TC2N: variants seen among roughly 807,000 people sequenced by gnomAD.
TC2N encodes tandem C2 domains, nuclear, also known as tandem C2 domains nuclear protein.
Under a neutral mutation model 61.9 loss-of-function variants are expected in TC2N, and 51 were observed. That is an observed-to-expected ratio of 0.82 (90% CI 0.66 to 1.04). The LOEUF is 1.04. Among genes scored for constraint, TC2N ranks in the 50% least tolerant of loss-of-function variants. The pLI, the probability that TC2N is intolerant of heterozygous loss-of-function variation, is 0.00. For synonymous variants in TC2N, 204 were observed against 192.6 expected, an observed-to-expected ratio of 1.06 and a Z score of -0.49; for missense variants, 556 against 566.7, an observed-to-expected ratio of 0.98 and a Z score of 0.19.
At chr14:91,794,047 A>G (rs113914508) in intron 8 of TC2N, among the ~76,000 whole-genome samples, 154 of 152,330 alleles carry the variant, frequency 1.0e-3, no homozygotes, top group African/African-American at 3.6e-3. Flanking sequence ...GCTGATGTGG[A>G]GAGAGTTTTA....
chr14:91,827,232 T>C (rs1887541988), intron 1 of TC2N, among the ~76,000 whole-genome samples: 1 of 152,236 alleles, frequency 6.6e-6, no homozygotes, highest in Non-Finnish European at 1.5e-5. Flanking sequence ...ATTACTTTCC[T>C]ATTGCTGTTG....
chr14:91,792,947 G>A (rs1168440683), intron 8 of TC2N, among the ~76,000 whole-genome samples: 1 of 152,124 alleles, frequency 6.6e-6, no homozygotes. Flanking sequence ...GCACTCTCTT[G>A]TTCATAGTAT....
intron 1 of TC2N, among the ~76,000 whole-genome samples, chr14:91,838,594 G>T (rs57799350): frequency 6.6e-5 from 10 of 152,216 alleles, no homozygotes; most frequent in Non-Finnish European, 1.5e-4. Context: ...GAAATGTGCT[G>T]AATGAATGAA....
At position 91,802,339 on chromosome 14, in the gene TC2N, G is replaced by A; in HGVS notation, c.384C>T (p.Asn128=). The A allele has an allele frequency of 6.2e-7, 1 of 1,612,178 alleles. No homozygotes were observed. The highest frequency in any genetic ancestry group is 8.5e-7 in the Non-Finnish European group (1 of 1,179,400). The change falls in exon 4 of 12, where the codon AAC becomes AAT. Residue 128 remains asparagine (N), a synonymous_variant. Coordinates refer to ENST00000435962, the MANE Select transcript of TC2N (RefSeq NM_001128596.3). The stretch of plus-strand genomic sequence containing the variant: ...AAATGTGCTGATACATATAGAATGG[G>A]TTATACACATCATAGCTAGGTCCGT... The part of the protein sequence containing the change: ...SQHGPSYDVY[N]PFYMYQHISP...
intron 9 of TC2N, 104 bp from the exon 10 acceptor site, chr14:91,787,731 C>T: frequency 3.2e-6 from 2 of 633,760 alleles, no homozygotes; most frequent in Middle Eastern, 2.5e-4. Context: ...GAAAGTATTC[C>T]TTTCAAATGA....
intron 1 of TC2N, among the ~76,000 whole-genome samples, chr14:91,858,372 C>G (rs748538827): frequency 5.9e-5 from 9 of 152,044 alleles, no homozygotes; most frequent in Admixed American, 1.3e-4. Flanking sequence ...AAAGAAGGAT[C>G]TGAGGCTCAG....
At position 91,785,746 on chromosome 14, in the gene TC2N, C is replaced by T. The variant is rs537742592; in HGVS notation, c.1163-385G>A. ...AATTATATAGGTAAAATATAAAAGA[C>T]TCCAGGAGTTAAGTATATGCCCACT... On this transcript the variant is annotated intron_variant, in intron 10 of 11. Transcript: ENST00000435962. Among the ~76,000 whole-genome samples the T allele has an allele frequency of 2.6e-5, 4 of 152,058 alleles. 1 individual carries two copies. In the East Asian group the frequency reaches 7.7e-4, roughly 29 times the overall value.
chr14:91,823,610 G>A (rs915246421), intron 1 of TC2N, among the ~76,000 whole-genome samples: 3 of 151,612 alleles, frequency 2.0e-5, no homozygotes, highest in African/African-American at 7.3e-5. Context: ...ACTAGATAAT[G>A]TTAGGTTTAG....
At chr14:91,786,119 G>A (rs924203842) in intron 10 of TC2N, among the ~76,000 whole-genome samples, 4 of 152,148 alleles carry the variant, frequency 2.6e-5, no homozygotes, top group Non-Finnish European at 4.4e-5. Context: ...GAGCCACAGT[G>A]AGGGCTGAGA....
intron 1 of TC2N, among the ~76,000 whole-genome samples, chr14:91,859,365 C>T (rs1016178491): frequency 1.3e-5 from 2 of 152,188 alleles, no homozygotes; most frequent in Admixed American, 6.5e-5. Flanking sequence ...AACTCCTCCT[C>T]CTGAGGTCTT....
intron 1 of TC2N, among the ~76,000 whole-genome samples, chr14:91,842,524 G>T (rs1888182445): frequency 6.6e-6 from 1 of 152,108 alleles, no homozygotes; most frequent in Admixed American, 6.5e-5. Flanking sequence ...AGGAAGTTTG[G>T]TCAGGCTCAC....
At chr14:91,826,054 T>C (rs1887484441) in intron 1 of TC2N, among the ~76,000 whole-genome samples, 1 of 152,184 alleles carries the variant, frequency 6.6e-6, no homozygotes, top group African/African-American at 2.4e-5. Context: ...TAGTGCCTCA[T>C]GCCTGTAAAT....
intron 1 of TC2N, among the ~76,000 whole-genome samples, chr14:91,862,895 A>T (rs948249283): frequency 2.0e-5 from 3 of 152,228 alleles, no homozygotes; most frequent in African/African-American, 7.2e-5. Flanking sequence ...CAACAACAAC[A>T]ACAAAAGCCA....
At chr14:91,796,547 T>A (rs981815723) in intron 8 of TC2N, among the ~76,000 whole-genome samples, 2 of 149,026 alleles carry the variant, frequency 1.3e-5, no homozygotes, top group Non-Finnish European at 3.0e-5. Context: ...TAAGAAAAGG[T>A]AATACTGACA....
intron 10 of TC2N, 80 bp from the exon 11 acceptor site, chr14:91,785,441 A>AAT (rs986862710): frequency 1.3e-4 from 117 of 935,476 alleles, no homozygotes; most frequent in South Asian, 1.6e-4. Context: ...TCCAAGTTGG[A>AAT]ATATATATAT....
chr14:91,791,206 A>AGGGGAGG, intron 9 of TC2N, among the ~76,000 whole-genome samples: 1 of 47,998 alleles, frequency 2.1e-5, no homozygotes, highest in Non-Finnish European at 4.5e-5. Context: ...GGGAGGGGAG[A>AGGGGAGG]AGAGGGGAGG....
At chr14:91,854,716 A>AGTCT (rs1443125568) in intron 1 of TC2N, among the ~76,000 whole-genome samples, 1 of 152,174 alleles carries the variant, frequency 6.6e-6, no homozygotes, top group Non-Finnish European at 1.5e-5. Flanking sequence ...CACAGGGGAC[A>AGTCT]GTCTTATCAG....
At position 91,780,866 on chromosome 14, in the gene TC2N, G is replaced by C. The variant is rs1384810101; in HGVS notation, c.*2234C>G. The C allele has an allele frequency of 6.6e-6, 1 of 151,214 alleles. No homozygotes were observed. 9.4% of individuals were successfully genotyped at this position (151,214 alleles called of 1,614,324 possible). On this transcript the variant is annotated 3_prime_UTR_variant, in exon 12 of 12. Coordinates refer to ENST00000435962, the MANE Select transcript of TC2N (RefSeq NM_001128596.3). Reference sequence around the variant, plus strand: ...AGCTTCAAGGAAATAACCAGCATTAGTACCTCCTCACCTGAAAAAGGCTTA... The same window carrying C: ...AGCTTCAAGGAAATAACCAGCATTACTACCTCCTCACCTGAAAAAGGCTTA...
intron 1 of TC2N, among the ~76,000 whole-genome samples, chr14:91,846,980 A>G (rs1430851368): frequency 6.6e-6 from 1 of 152,218 alleles, no homozygotes; most frequent in Non-Finnish European, 1.5e-5. Context: ...CAAGGAGGCC[A>G]GGCGCGGTGG....
Sources: gnomAD v4.1 joint callset for allele counts (sites outside exome capture counted in the v4.1 genomes callset) on GRCh38, gnomAD v4.1.1 for gene constraint, MANE v1.5 for transcripts, NCBI Gene and HGNC (gene_info 2026-07-23, HGNC 2026-07-21) for gene names.